Variants in ERG observed in about 807,000 individuals in gnomAD.
ERG encodes ETS transcription factor ERG.
In ERG, 9 loss-of-function variants were observed where a neutral mutation model predicts 55.3. That is an observed-to-expected ratio of 0.16 (90% CI 0.10 to 0.28). ERG has a LOEUF of 0.28. Among genes scored for constraint, ERG ranks in the 10% least tolerant of loss-of-function variants. The pLI, the probability that ERG is intolerant of heterozygous loss-of-function variation, is 1.00. For missense variants in ERG, 434 were observed against 631.6 expected, an observed-to-expected ratio of 0.69 and a Z score of 3.35; for synonymous variants, 223 against 237.3, an observed-to-expected ratio of 0.94 and a Z score of 0.55.
chr21:38,659,472 C>G (rs1041916193), intron 1 of ERG, among the ~76,000 whole-genome samples: 1 of 152,244 alleles, frequency 6.6e-6, no homozygotes, highest in African/African-American at 2.4e-5. Context: ...AACTTTGGGA[C>G]TGTGACAGTT....
chr21:38,530,041 C>T (rs376482884), intron 2 of ERG, among the ~76,000 whole-genome samples: 10 of 152,160 alleles, frequency 6.6e-5, no homozygotes, highest in East Asian at 1.9e-4. Flanking sequence ...ACAGAAGACA[C>T]GAGGACTTTT....
At chr21:38,513,352 T>C (rs1364061805) in intron 2 of ERG, among the ~76,000 whole-genome samples, 1 of 152,002 alleles carries the variant, frequency 6.6e-6, no homozygotes, top group African/African-American at 2.4e-5. Context: ...AAACAGGGAA[T>C]ATTCAGATTG....
intron 1 of ERG, among the ~76,000 whole-genome samples, chr21:38,605,511 A>G (rs2836568): frequency 0.071 from 10,877 of 152,258 alleles, 696 homozygotes; most frequent in African/African-American, 0.17. Context: ...ATGGCCAAGA[A>G]CAAGAGAAAG....
At chr21:38,572,951 A>G (rs1369203460) in intron 2 of ERG, among the ~76,000 whole-genome samples, 2 of 152,226 alleles carry the variant, frequency 1.3e-5, no homozygotes, top group Non-Finnish European at 2.9e-5. Context: ...TGTACTTTAA[A>G]CAATTGCTTT....
At chr21:38,637,844 T>C (rs533654844) in intron 1 of ERG, among the ~76,000 whole-genome samples, 2 of 152,240 alleles carry the variant, frequency 1.3e-5, no homozygotes, top group African/African-American at 4.8e-5. Context: ...TGTACACATG[T>C]GTATGTATGC....
intron 2 of ERG, among the ~76,000 whole-genome samples, chr21:38,436,955 T>G (rs2058797007): frequency 1.3e-5 from 2 of 151,316 alleles, no homozygotes; most frequent in African/African-American, 4.9e-5. Context: ...TGCCGTGATC[T>G]CAGCTCATTG....
upstream of ERG, among the ~76,000 whole-genome samples, chr21:38,585,559 A>G (rs1289037768): frequency 2.1e-4 from 2 of 9,728 alleles, no homozygotes; most frequent in Admixed American, 9.6e-4. Flanking sequence ...TTTTTTTTTT[A>G]GATACAGGAA....
At chr21:38,385,695 A>G in intron 9 of ERG, among the ~76,000 whole-genome samples, 1 of 152,234 alleles carries the variant, frequency 6.6e-6, no homozygotes, top group Non-Finnish European at 1.5e-5. Flanking sequence ...GCTTTTTCAG[A>G]ACCACATATA....
chr21:38,457,862 G>A (rs1358491152), intron 1 of ERG, among the ~76,000 whole-genome samples: 1 of 152,220 alleles, frequency 6.6e-6, no homozygotes, highest in African/African-American at 2.4e-5. Flanking sequence ...CCTTATGGGA[G>A]CGTCATGGGG....
intron 3 of ERG, among the ~76,000 whole-genome samples, chr21:38,411,848 G>T (rs1260692720): frequency 1.3e-5 from 2 of 152,064 alleles, no homozygotes; most frequent in African/African-American, 4.8e-5. Context: ...TCTTTTTGCA[G>T]TTCATTACAT....
Position 38,659,141 on chromosome 21 carries a change from T to C in ERG, c.-150+2517A>G, listed in dbSNP as rs529015492. Among the ~76,000 whole-genome samples the C allele has an allele frequency of 5.3e-5, 8 of 152,344 alleles. No individual in the cohort carries two copies. The South Asian group carries it at 1.7e-3, about 32-fold the overall frequency. The stretch of plus-strand genomic sequence containing the variant: ...TTACCCATTTGCTAATTCAGTGTAC[T>C]TTCCAAAAGCCATTGACCCAAACCG... On this transcript the variant is annotated intron_variant, in intron 1 of 10. Coordinates refer to the ERG transcript ENST00000398910.
At chr21:38,421,753 C>T (rs1989551701) in intron 3 of ERG, among the ~76,000 whole-genome samples, 1 of 152,208 alleles carries the variant, frequency 6.6e-6, no homozygotes, top group South Asian at 2.1e-4. Context: ...TCACTGAGCA[C>T]CTCCCACTTA....
At chr21:38,482,587 A>G (rs62219572) in intron 1 of ERG, among the ~76,000 whole-genome samples, 18,236 of 152,222 alleles carry the variant, frequency 0.12, 1,226 homozygotes, top group East Asian at 0.26. Context: ...AGCATTACTC[A>G]CAATAGCCAA....
intron 1 of ERG, among the ~76,000 whole-genome samples, chr21:38,628,023 ACTGCAGCC>A (rs72244658): frequency 0.17 from 26,013 of 149,874 alleles, 3,178 homozygotes; most frequent in African/African-American, 0.32. Context: ...ATCTTGGCTC[ACTGCAGCC>A]CCAACCTCCT....
intron 1 of ERG, among the ~76,000 whole-genome samples, chr21:38,660,118 T>C (rs1601365792): frequency 6.6e-6 from 1 of 150,896 alleles, no homozygotes; most frequent in African/African-American, 2.4e-5. Context: ...CGGGGGTCAT[T>C]CCACCATCAG....
At chr21:38,614,126 C>A (rs993797251) in intron 1 of ERG, among the ~76,000 whole-genome samples, 1 of 152,176 alleles carries the variant, frequency 6.6e-6, no homozygotes, top group Non-Finnish European at 1.5e-5. Flanking sequence ...AAAAGCTAAG[C>A]GCTTTGACTC....
intron 1 of ERG, among the ~76,000 whole-genome samples, chr21:38,584,290 G>A (rs73429458): frequency 1.7e-3 from 258 of 152,334 alleles, no homozygotes; most frequent in African/African-American, 5.7e-3. Context: ...GCCTTAGAGA[G>A]AGGGAGCTGA....
intron 2 of ERG, among the ~76,000 whole-genome samples, chr21:38,552,951 C>T (rs2059833949): frequency 6.6e-6 from 1 of 151,380 alleles, no homozygotes; most frequent in Non-Finnish European, 1.5e-5. Context: ...CTCATTGTAT[C>T]TGTCTAAAAA....
intron 2 of ERG, among the ~76,000 whole-genome samples, chr21:38,508,010 GAGA>G (rs377022347): frequency 8.7e-5 from 3 of 34,572 alleles, no homozygotes; most frequent in East Asian, 9.2e-4. Context: ...CACACACACA[GAGA>G]CACACAAACA....
Sources: allele counts gnomAD v4.1 joint callset (sites outside exome capture counted in the v4.1 genomes callset), GRCh38; gene constraint gnomAD v4.1.1; transcripts MANE v1.5; gene names NCBI Gene and HGNC (gene_info 2026-07-23, HGNC 2026-07-21).